RELN: variants seen among roughly 807,000 people sequenced by gnomAD.
The protein encoded by RELN is reelin.
Under a neutral mutation model 427.6 loss-of-function variants are expected in RELN, and 108 were observed. The observed-to-expected ratio is 0.25, with a 90% CI of 0.22 to 0.30. RELN has a LOEUF of 0.30. Ranked by LOEUF, RELN falls within the 10% of genes least tolerant of loss-of-function variation. The pLI is 1.00. For missense variants in RELN, 3,715 were observed against 4,302.8 expected, an observed-to-expected ratio of 0.86 and a Z score of 3.82; for synonymous variants, 1,524 against 1,513.4, an observed-to-expected ratio of 1.01 and a Z score of -0.16.
At chr7:103,625,612 C>T (rs1188111464) in intron 20 of RELN, among the ~76,000 whole-genome samples, 1 of 151,930 alleles carries the variant, frequency 6.6e-6, no homozygotes, top group Admixed American at 6.6e-5. Context: ...ATCTTTACGA[C>T]AATTTTGAGA....
chr7:103,905,959 C>G (rs985527186), intron 2 of RELN, among the ~76,000 whole-genome samples: 11 of 151,886 alleles, frequency 7.2e-5, no homozygotes, highest in African/African-American at 2.7e-4. Flanking sequence ...AGGATTTGCC[C>G]CAGAGACCGA....
chr7:103,742,805 C>G (rs13309959), intron 6 of RELN, among the ~76,000 whole-genome samples: 3 of 152,124 alleles, frequency 2.0e-5, no homozygotes, highest in East Asian at 3.9e-4. Context: ...CCTGAAGTGA[C>G]GGGGAGAATG....
In RELN at chr7:103,496,663, A is replaced by T; in HGVS notation, c.9056T>A (p.Leu3019His). 6.2e-7 allele frequency: 1 copy of T among 1,614,190 alleles called. No individual in the cohort carries two copies. Among genetic ancestry groups the T allele is most frequent in the Non-Finnish European group, 8.5e-7 (1 of 1,180,026 alleles). The change falls in exon 56 of 65, where the codon CTT (leucine) becomes CAT (histidine). Residue 3019 changes from leucine (L) to histidine (H), a missense_variant. Transcript: ENST00000428762. ...GATCACAAAAGGCTGCCACCAGCGA[A>T]GTCGAGTTGTGTTGGTGAGGGCATC... ...PEDALTNTTRLRWWQPFVISN... is the reference protein window; with the variant it reads ...PEDALTNTTRHRWWQPFVISN...
chr7:103,747,960 C>A (rs1056261509), intron 6 of RELN, among the ~76,000 whole-genome samples: 1 of 151,844 alleles, frequency 6.6e-6, no homozygotes, highest in Non-Finnish European at 1.5e-5. Context: ...TTTGCACCAC[C>A]GAACAGTCAC....
chr7:103,728,076 T>C (rs1447177979), intron 7 of RELN, 35 bp downstream of exon 7: 1 of 1,600,226 alleles, frequency 6.2e-7, no homozygotes, highest in South Asian at 1.1e-5. Flanking sequence ...GTAAATACTA[T>C]AATGGAATAA....
intron 3 of RELN, among the ~76,000 whole-genome samples, chr7:103,806,383 G>A (rs910028443): frequency 6.6e-6 from 1 of 151,934 alleles, no homozygotes; most frequent in Non-Finnish European, 1.5e-5. Context: ...GGAATGCAAT[G>A]GCGTGATCTC....
At chr7:103,768,767 G>A (rs1381756129) in intron 4 of RELN, among the ~76,000 whole-genome samples, 2 of 152,140 alleles carry the variant, frequency 1.3e-5, no homozygotes, top group African/African-American at 4.8e-5. Flanking sequence ...CAGAGACAGA[G>A]CATGTTAAGG....
intron 8 of RELN, among the ~76,000 whole-genome samples, chr7:103,701,266 T>C (rs1053990811): frequency 5.9e-5 from 9 of 152,084 alleles, no homozygotes; most frequent in Non-Finnish European, 1.2e-4. Flanking sequence ...CTAAATTAAA[T>C]TGTAAAACAA....
chr7:103,857,672 A>G (rs1283849350), intron 2 of RELN, among the ~76,000 whole-genome samples: 2 of 152,184 alleles, frequency 1.3e-5, no homozygotes, highest in African/African-American at 4.8e-5. Context: ...TATGGAGCTC[A>G]CAGTCAGGGA....
chr7:103,927,239 G>A (rs924939737), intron 1 of RELN, among the ~76,000 whole-genome samples: 13 of 152,058 alleles, frequency 8.5e-5, no homozygotes, highest in Admixed American at 3.9e-4. Flanking sequence ...AGTGCCACTC[G>A]ATACTGAGAA....
At chr7:103,772,729 G>A (rs1028475771) in intron 4 of RELN, among the ~76,000 whole-genome samples, 1 of 152,228 alleles carries the variant, frequency 6.6e-6, no homozygotes, top group Non-Finnish European at 1.5e-5. Flanking sequence ...ATAGCACCAG[G>A]ATGATAGAGC....
chr7:103,595,123 G>A (rs1562911876), intron 25 of RELN, among the ~76,000 whole-genome samples: 2 of 152,144 alleles, frequency 1.3e-5, no homozygotes, highest in African/African-American at 4.8e-5. Flanking sequence ...TCATCACAAA[G>A]ACATGCTATT....
chr7:103,773,110 T>A (rs1042478026), intron 4 of RELN, among the ~76,000 whole-genome samples: 1 of 52,708 alleles, frequency 1.9e-5, no homozygotes, highest in South Asian at 7.1e-4. Context: ...TTTTCTTTCT[T>A]TCTTTCTTTC....
chr7:103,726,222 A>T (rs1790207735), intron 7 of RELN, among the ~76,000 whole-genome samples: 1 of 152,142 alleles, frequency 6.6e-6, no homozygotes, highest in Non-Finnish European at 1.5e-5. Context: ...CTTGGGTACA[A>T]TGTATATTTT....
At chr7:103,862,307 T>C (rs916233955) in intron 2 of RELN, among the ~76,000 whole-genome samples, 2 of 152,168 alleles carry the variant, frequency 1.3e-5, no homozygotes, top group Non-Finnish European at 2.9e-5. Flanking sequence ...TAGATGTTCA[T>C]AGTCTTCAGG....
chr7:103,923,920 TA>T (rs1340434781), intron 1 of RELN, among the ~76,000 whole-genome samples: 1 of 152,218 alleles, frequency 6.6e-6, no homozygotes, highest in Non-Finnish European at 1.5e-5. Flanking sequence ...AAATCTTTTA[TA>T]GGTATTAATC....
At chr7:103,951,350 C>T (rs761169787) in intron 1 of RELN, among the ~76,000 whole-genome samples, 11 of 152,196 alleles carry the variant, frequency 7.2e-5, no homozygotes, top group Admixed American at 5.2e-4. Context: ...TCTAGAGATA[C>T]GATATTTTGG....
chr7:103,831,608 T>C (rs770936276), intron 3 of RELN, among the ~76,000 whole-genome samples: 17 of 152,078 alleles, frequency 1.1e-4, no homozygotes, highest in African/African-American at 1.4e-4. Flanking sequence ...ATTTTAACAA[T>C]TGAGGTTGAG....
chr7:103,617,976 C>T (rs1832123197), intron 20 of RELN, among the ~76,000 whole-genome samples: 1 of 152,158 alleles, frequency 6.6e-6, no homozygotes, highest in African/African-American at 2.4e-5. Flanking sequence ...CCTTCTCCTT[C>T]TGCCAGGAGT....
Sources: gnomAD v4.1 joint callset for allele counts (sites outside exome capture counted in the v4.1 genomes callset) on GRCh38, gnomAD v4.1.1 for gene constraint, MANE v1.5 for transcripts, NCBI Gene and HGNC (gene_info 2026-07-23, HGNC 2026-07-21) for gene names.